Variants in PXDN observed in about 807,000 individuals in gnomAD.
PXDN encodes peroxidasin homolog.
A neutral mutation model predicts 140.3 loss-of-function variants in PXDN; 77 were observed. The ratio of observed to expected loss-of-function variants is 0.55; its 90% CI spans 0.46 to 0.66. PXDN has a LOEUF of 0.66. Ranked by LOEUF, PXDN falls within the 30% of genes least tolerant of loss-of-function variation. The probability of loss-of-function intolerance (pLI) is 0.00; values close to 1 mark genes in which losing one functional copy is unlikely to be tolerated. For missense variants in PXDN, 1,838 were observed against 2,039.5 expected (o/e 0.90, Z 1.90); for synonymous variants, 911 against 857.4 (o/e 1.06, Z -1.09).
chr2:1,741,428 GGC>G (rs2125498220), intron 1 of PXDN, among the ~76,000 whole-genome samples: 1 of 152,230 alleles, frequency 6.6e-6, no homozygotes, highest in East Asian at 1.9e-4. Flanking sequence ...AGCAGCACAG[GGC>G]GCGGGCTCCT....
intron 1 of PXDN, 90 bp downstream of exon 1, chr2:1,744,166 T>A: frequency 9.8e-4 from 483 of 494,492 alleles, no homozygotes; most frequent in Middle Eastern, 2.6e-3. Flanking sequence ...CCCTCCACCC[T>A]CCGCGCCCCC....
At chr2:1,694,716 T>A (rs1347926452) in intron 1 of PXDN, among the ~76,000 whole-genome samples, 1 of 152,160 alleles carries the variant, frequency 6.6e-6, no homozygotes, top group Non-Finnish European at 1.5e-5. Context: ...ACTCTCCACG[T>A]AGGAGCTGCT....
intron 1 of PXDN, among the ~76,000 whole-genome samples, chr2:1,708,894 G>C (rs1684683715): frequency 6.6e-6 from 1 of 152,176 alleles, no homozygotes; most frequent in Admixed American, 6.5e-5. Flanking sequence ...ATCAAGTACA[G>C]TTTTTTTAAG....
Position 1,714,992 on chromosome 2 carries a change from GC to G in PXDN, c.201-21859del, listed in dbSNP as rs895437485. Among the ~76,000 whole-genome samples, 2 of 151,954 alleles carry G rather than the reference GC, an allele frequency of 1.3e-5. No homozygotes were observed. Among genetic ancestry groups the G allele is most frequent in the African/African-American group, 4.8e-5 (2 of 41,366 alleles). ...TGAACACGCCACCCATTAATACAAAGCCCCCTCCCCCCATCCCCGGCTTACA... is the reference window on the plus strand; with the variant it reads ...TGAACACGCCACCCATTAATACAAAGCCCCTCCCCCCATCCCCGGCTTACA... On this transcript the variant is annotated intron_variant, in intron 1 of 22. Coordinates refer to ENST00000252804, the MANE Select transcript of PXDN (RefSeq NM_012293.3). The surrounding 1 kb of genome is among the most constrained non-coding windows in gnomAD (Gnocchi z 4.3).
intron 1 of PXDN, among the ~76,000 whole-genome samples, chr2:1,705,285 T>C (rs186507911): frequency 6.6e-6 from 1 of 152,102 alleles, no homozygotes; most frequent in Non-Finnish European, 1.5e-5. Flanking sequence ...ACTCCCTCCA[T>C]GAAGGCTGGG....
At chr2:1,713,290 G>A (rs905037811) in intron 1 of PXDN, among the ~76,000 whole-genome samples, 15 of 152,194 alleles carry the variant, frequency 9.9e-5, no homozygotes, top group African/African-American at 3.6e-4. Context: ...AATTACCACA[G>A]AAGAAAGAAG....
chr2:1,683,849 A>C, intron 5 of PXDN, 122 bp from the exon 6 acceptor site: 1 of 893,652 alleles, frequency 1.1e-6, no homozygotes. Flanking sequence ...ACATTTATTT[A>C]ATACAAATGA....
intron 1 of PXDN, among the ~76,000 whole-genome samples, chr2:1,729,022 C>T (rs1468581110): frequency 7.9e-6 from 1 of 126,310 alleles, no homozygotes; most frequent in Non-Finnish European, 1.9e-5. Context: ...GTGAGCTCCT[C>T]CCAGTGCGGG....
In PXDN at chr2:1,660,929, G is replaced by A. The variant is rs373022614; in HGVS notation, c.1789C>T (p.Arg597Trp). 72 of 1,613,862 alleles carry A rather than the reference G, an allele frequency of 4.5e-5. 1 individual carries two copies. The African/African-American group carries it at 4.9e-4, about 11-fold the overall frequency. The stretch of plus-strand genomic sequence containing the variant: ...ACCGAGGCCGACCCAATGGTGTTCC[G>A]GGCCACACACTCATAGCGACCTGCG... ...ADAGRYECVA[R>W]NTIGSASVSM... Residue 597 changes from arginine to tryptophan, a missense_variant, in exon 14 of 23, where the codon CGG becomes TGG. Arg to Trp is a moderately radical substitution (Grantham distance 101). Transcript: ENST00000252804. This position sits in a 1 kb window ranked among gnomAD's most constrained non-coding sequence, Gnocchi z 4.6.
intron 1 of PXDN, among the ~76,000 whole-genome samples, chr2:1,699,374 G>A (rs1347902282): frequency 5.3e-5 from 8 of 151,098 alleles, no homozygotes; most frequent in African/African-American, 1.9e-4. Context: ...TTTCCCATAC[G>A]CAAGTCTCAG....
intron 9 of PXDN, 123 bp from the exon 10 acceptor site, chr2:1,666,609 G>A (rs372842425): frequency 1.2e-5 from 15 of 1,210,356 alleles, no homozygotes; most frequent in African/African-American, 3.1e-5. Flanking sequence ...CAAACACAAC[G>A]TAACTGCATA....
chr2:1,717,981 C>T (rs1044046572), intron 1 of PXDN, among the ~76,000 whole-genome samples: 8 of 149,670 alleles, frequency 5.3e-5, no homozygotes, highest in African/African-American at 1.2e-4. Flanking sequence ...CAAAGCTATT[C>T]GACTAACCAA....
chr2:1,665,977 T>C (rs1683424534), intron 10 of PXDN, among the ~76,000 whole-genome samples: 1 of 152,156 alleles, frequency 6.6e-6, no homozygotes, highest in African/African-American at 2.4e-5. Flanking sequence ...GTGCTGGAGG[T>C]ACAGAGACAC....
Position 1,673,631 on chromosome 2 carries a change from C to G in PXDN, c.1018+12G>C, listed in dbSNP as rs1683628344. On this transcript the variant is annotated intron_variant, in intron 9 of 22. Coordinates refer to ENST00000252804, the MANE Select transcript of PXDN (RefSeq NM_012293.3). ...CTGGATGGAACCCCGGTGTGAAATG[C>G]CCGCCACATACCTGGAGACCCGAAG... is the stretch of plus-strand genomic sequence containing the variant. 1 of 1,598,160 alleles carries G rather than the reference C, an allele frequency of 6.3e-7. No homozygotes were observed. The highest frequency in any genetic ancestry group is 1.1e-5 in the South Asian group (1 of 89,400).
chr2:1,658,662 T>A (rs1001262678), intron 14 of PXDN, among the ~76,000 whole-genome samples: 10 of 151,990 alleles, frequency 6.6e-5, no homozygotes, highest in African/African-American at 2.4e-4. Context: ...GGGAACTTCC[T>A]CATGGCGTCC....
chr2:1,729,718 TAA>T (rs368101605), intron 1 of PXDN, among the ~76,000 whole-genome samples: 1 of 152,132 alleles, frequency 6.6e-6, no homozygotes, highest in Non-Finnish European at 1.5e-5. Context: ...AAATTTTTTT[TAA>T]AAAAAGATTT....
At position 1,638,919 on chromosome 2, in the gene PXDN, T is replaced by C. The variant is rs1356505865; in HGVS notation, c.4133A>G (p.Asp1378Gly). The change falls in exon 21 of 23, where the codon GAT becomes GGT. Residue 1378 changes from aspartate (D) to glycine (G), a missense_variant. This residue lies in a region of PXDN where 850 missense variants were observed against 894.1 expected (regional missense o/e 0.95). Coordinates refer to ENST00000252804, the MANE Select transcript of PXDN (RefSeq NM_012293.3). ...NSTSAFSTRS[D>G]ASGTNDFREF... ...TCTGAAGTCATTTGTCCCAGATGCA[T>C]CTGAGCGTGTGCTGAAGGCTGAGGT... is the stretch of plus-strand genomic sequence containing the variant. The C allele has an allele frequency of 6.2e-7, 1 of 1,613,886 alleles. No homozygotes were observed. Among genetic ancestry groups the C allele is most frequent in the Non-Finnish European group, 8.5e-7 (1 of 1,179,890 alleles).
intron 14 of PXDN, among the ~76,000 whole-genome samples, chr2:1,657,750 C>T: frequency 1.4e-5 from 2 of 145,854 alleles, no homozygotes; most frequent in African/African-American, 5.4e-5. Flanking sequence ...GGGCCCCCTC[C>T]TGACTGAGAC....
intron 17 of PXDN, among the ~76,000 whole-genome samples, chr2:1,647,636 G>C (rs1212636569): frequency 6.6e-6 from 1 of 152,198 alleles, no homozygotes; most frequent in African/African-American, 2.4e-5. Context: ...ATGGGCAGGT[G>C]GCCCCACAGG....
Sources: gnomAD v4.1 joint callset for allele counts (sites outside exome capture counted in the v4.1 genomes callset) on GRCh38, gnomAD v4.1.1 for gene constraint, gnomAD v4.1.1 regional missense constraint, Gnocchi (gnomAD v3.1) non-coding constraint, MANE v1.5 for transcripts, NCBI Gene and HGNC (gene_info 2026-07-23, HGNC 2026-07-21) for gene names.